The following SRD5A2 variants were observed in gnomAD, a reference collection of about 807,000 sequenced individuals.
The protein encoded by SRD5A2 is 3-oxo-5-alpha-steroid 4-dehydrogenase 2.
SRD5A2 carries 30 observed loss-of-function variants against 27.4 expected under a neutral mutation model. The ratio of observed to expected loss-of-function variants is 1.10; its 90% CI spans 0.82 to 1.49. The LOEUF is 1.49. SRD5A2 is among the 40% of genes most tolerant of loss of function. SRD5A2 has a pLI of 0.00. For synonymous variants in SRD5A2, 141 were observed against 133.6 expected (o/e 1.06, Z -0.38); for missense variants, 348 against 323.4 (o/e 1.08, Z -0.58).
At chr2:31,617,547 C>T in the SRD5A2 span, among the ~76,000 whole-genome samples, 1 of 151,792 alleles carries the variant, frequency 6.6e-6, no homozygotes, top group African/African-American at 2.4e-5. Flanking sequence ...CATCATCAGG[C>T]TGCAAATTTT....
chr2:31,546,584 C>T (rs957073289), intron 1 of SRD5A2, among the ~76,000 whole-genome samples: 8 of 152,040 alleles, frequency 5.3e-5, no homozygotes, highest in Admixed American at 1.3e-4. Context: ...AGGAGCTAAA[C>T]GTTGAGTACA....
upstream of SRD5A2, among the ~76,000 whole-genome samples, chr2:31,582,247 T>C (rs1667096363): frequency 6.6e-6 from 1 of 152,140 alleles, no homozygotes; most frequent in African/African-American, 2.4e-5. Flanking sequence ...CCCCATTCAG[T>C]GTATCTCCAT....
the SRD5A2 span, among the ~76,000 whole-genome samples, chr2:31,617,500 A>T: frequency 2.0e-5 from 3 of 152,168 alleles, no homozygotes; most frequent in East Asian, 5.8e-4. Flanking sequence ...AGCAGGCTTG[A>T]ATTTCTCCCC....
the SRD5A2 span, among the ~76,000 whole-genome samples, chr2:31,617,531 C>G: frequency 6.6e-6 from 1 of 152,192 alleles, no homozygotes; most frequent in Non-Finnish European, 1.5e-5. Context: ...GCTTTCTTTT[C>G]TATTGCATCA....
intron 1 of SRD5A2, among the ~76,000 whole-genome samples, chr2:31,549,081 A>AATTT (rs1553325821): frequency 4.6e-5 from 6 of 131,378 alleles, no homozygotes; most frequent in African/African-American, 1.7e-4. Flanking sequence ...AAGTAGAGGG[A>AATTT]ATTATTATTA....
the SRD5A2 span, among the ~76,000 whole-genome samples, chr2:31,616,834 G>A: frequency 6.6e-6 from 1 of 152,128 alleles, no homozygotes; most frequent in African/African-American, 2.4e-5. Flanking sequence ...AGATTTAGGA[G>A]GGGCCAGATA....
the SRD5A2 span, among the ~76,000 whole-genome samples, chr2:31,599,119 A>G: frequency 2.0e-5 from 3 of 152,164 alleles, no homozygotes; most frequent in East Asian, 5.8e-4. Context: ...GGATGTAACA[A>G]TTGTAAATAT....
intron 1 of SRD5A2, among the ~76,000 whole-genome samples, chr2:31,541,352 A>C (rs988768569): frequency 6.6e-6 from 1 of 151,694 alleles, no homozygotes; most frequent in African/African-American, 2.4e-5. Context: ...ACAAAAAAAA[A>C]CACAAGGCAT....
Position 31,523,609 on chromosome 2 carries a change from G to C in SRD5A2, c.*2587C>G. The C allele has an allele frequency of 4.6e-6, 1 of 219,578 alleles. No individual in the cohort carries two copies. The highest frequency in any genetic ancestry group is 9.1e-6 in the Non-Finnish European group (1 of 109,334). 13.6% of individuals were successfully genotyped at this position (219,578 alleles called of 1,614,324 possible). A position where few individuals can be genotyped will look rare whatever the true frequency, so the allele number is the denominator to read the frequency against. Reference sequence around the variant, plus strand: ...AACAAAACTCAACATTTTCTTCAAGGTTGGCAGGAAAACGCCTCTTCCGTG... The same window carrying C: ...AACAAAACTCAACATTTTCTTCAAGCTTGGCAGGAAAACGCCTCTTCCGTG... On this transcript the variant is annotated 3_prime_UTR_variant, in exon 5 of 5. Coordinates refer to ENST00000622030, the MANE Select transcript of SRD5A2 (RefSeq NM_000348.4).
chr2:31,573,292 T>C (rs1297723131), intron 1 of SRD5A2, among the ~76,000 whole-genome samples: 2 of 152,108 alleles, frequency 1.3e-5, no homozygotes, highest in African/African-American at 4.8e-5. Context: ...TAAATATTGG[T>C]TTCCCTTCTC....
chr2:31,588,803 A>G, the SRD5A2 span, among the ~76,000 whole-genome samples: 3 of 152,218 alleles, frequency 2.0e-5, no homozygotes, highest in African/African-American at 7.2e-5. Flanking sequence ...ATAGAAAGAC[A>G]AAACAACAAA....
chr2:31,539,057 TC>T (rs1244515087), intron 1 of SRD5A2, among the ~76,000 whole-genome samples: 2 of 152,178 alleles, frequency 1.3e-5, no homozygotes, highest in Non-Finnish European at 2.9e-5. Flanking sequence ...AACTTTTACT[TC>T]CAGGGGGGTG....
At chr2:31,556,878 C>T (rs775913297) in intron 1 of SRD5A2, among the ~76,000 whole-genome samples, 8 of 152,122 alleles carry the variant, frequency 5.3e-5, no homozygotes, top group South Asian at 2.1e-4. Flanking sequence ...CAGCAAAGGA[C>T]GACAGACAAC....
chr2:31,583,355 T>C (rs1166101465), upstream of SRD5A2, among the ~76,000 whole-genome samples: 2 of 152,186 alleles, frequency 1.3e-5, no homozygotes, highest in Admixed American at 1.3e-4. Context: ...TCAAGTCATA[T>C]GGTGGATTCT....
the SRD5A2 span, among the ~76,000 whole-genome samples, chr2:31,613,944 T>G: frequency 6.6e-6 from 1 of 152,162 alleles, no homozygotes; most frequent in Non-Finnish European, 1.5e-5. Context: ...CATGATTCAC[T>G]AATCTTCACC....
chr2:31,599,500 G>T, the SRD5A2 span, among the ~76,000 whole-genome samples: 1,006 of 152,058 alleles, frequency 6.6e-3, 16 homozygotes, highest in African/African-American at 0.023. Flanking sequence ...TCAGTAACAA[G>T]AGGAATTTTG....
chr2:31,631,648 C>G, the SRD5A2 span, among the ~76,000 whole-genome samples: 3 of 152,146 alleles, frequency 2.0e-5, no homozygotes, highest in Non-Finnish European at 2.9e-5. Flanking sequence ...AGGGTTAAGA[C>G]AGTCCTTTGA....
the SRD5A2 span, among the ~76,000 whole-genome samples, chr2:31,607,997 G>C: frequency 0.65 from 99,198 of 151,688 alleles, 32,638 homozygotes; most frequent in Middle Eastern, 0.68. Flanking sequence ...CAGAAAGATA[G>C]GCCCTCACCA....
At chr2:31,635,785 A>G in the SRD5A2 span, among the ~76,000 whole-genome samples, 9 of 152,054 alleles carry the variant, frequency 5.9e-5, no homozygotes, top group Admixed American at 5.9e-4. Context: ...TAATTTTCGT[A>G]ACACAATTTA....
Sources: allele counts gnomAD v4.1 joint callset (sites outside exome capture counted in the v4.1 genomes callset), GRCh38; gene constraint gnomAD v4.1.1; transcripts MANE v1.5; gene names NCBI Gene and HGNC (gene_info 2026-07-23, HGNC 2026-07-21).